MECOM: variants seen among roughly 807,000 people sequenced by gnomAD.
The protein encoded by MECOM is MDS1 and EVI1 complex locus.
MECOM carries 13 observed loss-of-function variants against 116.3 expected under a neutral mutation model. The observed-to-expected ratio is 0.11, with a 90% CI of 0.07 to 0.18. MECOM has a LOEUF of 0.18. MECOM is among the 10% of genes least tolerant of loss of function. The pLI, the probability that MECOM is intolerant of heterozygous loss-of-function variation, is 1.00. For synonymous variants in MECOM, 528 were observed against 535.2 expected, an observed-to-expected ratio of 0.99 and a Z score of 0.19; for missense variants, 1,299 against 1,509.0, an observed-to-expected ratio of 0.86 and a Z score of 2.31.
At chr3:169,596,717 A>C (rs1216989325) in intron 1 of MECOM, among the ~76,000 whole-genome samples, 8 of 152,192 alleles carry the variant, frequency 5.3e-5, no homozygotes, top group Non-Finnish European at 1.0e-4. Context: ...AACTAAAAAA[A>C]AAAGACTGTT....
At chr3:169,363,112 TTAATATTC>T (rs1728577792) in intron 2 of MECOM, among the ~76,000 whole-genome samples, 1 of 151,922 alleles carries the variant, frequency 6.6e-6, no homozygotes, top group Non-Finnish European at 1.5e-5. Context: ...AAACTTCATA[TTAATATTC>T]TCTAAGGTGG....
At chr3:169,369,927 T>C (rs1729810302) in intron 2 of MECOM, among the ~76,000 whole-genome samples, 1 of 151,992 alleles carries the variant, frequency 6.6e-6, no homozygotes, top group African/African-American at 2.4e-5. Flanking sequence ...TCAAAGACAA[T>C]CTTTTGGATA....
intron 1 of MECOM, among the ~76,000 whole-genome samples, chr3:169,630,337 G>A (rs1478919180): frequency 6.6e-6 from 1 of 151,788 alleles, no homozygotes; most frequent in African/African-American, 2.4e-5. Context: ...AAGTCACCTT[G>A]GTTTGACAAG....
At chr3:169,331,344 A>G (rs1003595805) in intron 2 of MECOM, among the ~76,000 whole-genome samples, 1 of 152,076 alleles carries the variant, frequency 6.6e-6, no homozygotes, top group Non-Finnish European at 1.5e-5. Context: ...TTTCTCACCT[A>G]AAGACTGGGA....
chr3:169,571,766 T>C (rs1040880524), intron 1 of MECOM, among the ~76,000 whole-genome samples: 1 of 152,178 alleles, frequency 6.6e-6, no homozygotes, highest in Non-Finnish European at 1.5e-5. Flanking sequence ...TAATAAATGG[T>C]GTTGGGAAAA....
rs189547914 is a variant in MECOM, at chr3:169,598,027, T to C, written c.37+65309A>G. 1.4e-3 allele frequency among the ~76,000 whole-genome samples: 212 copies of C among 152,298 alleles called. 1 individual carries two copies. Among genetic ancestry groups the C allele is most frequent in the African/African-American group, 4.6e-3 (192 of 41,582 alleles). ...GGAGAGTTGTCCAAGCTTTTGCCCC[T>C]ACAGGAAACCATAATAAATAAGAGA... On this transcript the variant is annotated intron_variant, in intron 1 of 16. Transcript: ENST00000651503.
chr3:169,475,638 A>C (rs747962187), intron 1 of MECOM, among the ~76,000 whole-genome samples: 10 of 152,144 alleles, frequency 6.6e-5, no homozygotes, highest in Non-Finnish European at 1.2e-4. Flanking sequence ...AGAAAGACGC[A>C]ATCATTCCTT....
intron 1 of MECOM, among the ~76,000 whole-genome samples, chr3:169,587,689 A>G (rs375613801): frequency 3.9e-5 from 6 of 152,188 alleles, no homozygotes; most frequent in African/African-American, 1.4e-4. Context: ...TGGTAAGGAC[A>G]AAAGATAGTT....
chr3:169,297,241 C>T (rs1715790862), intron 2 of MECOM, among the ~76,000 whole-genome samples: 1 of 152,164 alleles, frequency 6.6e-6, no homozygotes, highest in South Asian at 2.1e-4. Flanking sequence ...AGCCTTCCTC[C>T]TTTGGTTATA....
intron 2 of MECOM, among the ~76,000 whole-genome samples, chr3:169,260,273 G>C (rs1757384651): frequency 6.6e-6 from 1 of 152,078 alleles, no homozygotes; most frequent in Non-Finnish European, 1.5e-5. Context: ...AATATACCCA[G>C]TAACCAGAGT....
intron 1 of MECOM, among the ~76,000 whole-genome samples, chr3:169,507,373 G>A (rs1028651718): frequency 9.9e-5 from 15 of 152,166 alleles, no homozygotes; most frequent in African/African-American, 2.9e-4. Flanking sequence ...CACTGGTGAC[G>A]TCAGGCTGAT....
intron 2 of MECOM, among the ~76,000 whole-genome samples, chr3:169,171,843 C>G (rs59062934): frequency 0.07 from 10,697 of 152,032 alleles, 481 homozygotes; most frequent in South Asian, 0.19. Context: ...TTTGGCCTTA[C>G]TTTTCTCAAG....
intron 2 of MECOM, among the ~76,000 whole-genome samples, chr3:169,152,508 A>G (rs888013916): frequency 2.6e-5 from 4 of 152,156 alleles, no homozygotes; most frequent in Non-Finnish European, 4.4e-5. Context: ...TCGAGGATTC[A>G]GGCATGTTTA....
intron 1 of MECOM, among the ~76,000 whole-genome samples, chr3:169,594,170 A>AAAAAAAAACC (rs1553894632): frequency 4.2e-5 from 5 of 119,342 alleles, no homozygotes; most frequent in Admixed American, 1.7e-4. Context: ...AAAAAAAAAA[A>AAAAAAAAACC]AAAAAACACC....
chr3:169,517,107 T>A (rs755185944), intron 1 of MECOM, among the ~76,000 whole-genome samples: 1 of 152,052 alleles, frequency 6.6e-6, no homozygotes, highest in Non-Finnish European at 1.5e-5. Flanking sequence ...ATTCCATGGA[T>A]CATACAACAA....
At chr3:169,302,932 A>G (rs1282019496) in intron 2 of MECOM, among the ~76,000 whole-genome samples, 1 of 152,180 alleles carries the variant, frequency 6.6e-6, no homozygotes, top group Non-Finnish European at 1.5e-5. Context: ...ATTAACAACA[A>G]AGAAAAATTT....
At chr3:169,444,930 C>T (rs1744365699) in intron 1 of MECOM, among the ~76,000 whole-genome samples, 1 of 152,190 alleles carries the variant, frequency 6.6e-6, no homozygotes, top group African/African-American at 2.4e-5. Flanking sequence ...AGACTGGAGG[C>T]ATTTTGCCCC....
chr3:169,232,268 C>G (rs77366345), intron 2 of MECOM, among the ~76,000 whole-genome samples: 2,516 of 152,082 alleles, frequency 0.017, 37 homozygotes, highest in Non-Finnish European at 0.02. Context: ...TGAGGCCATT[C>G]TACAACAAAA....
chr3:169,584,769 T>G (rs979113381), intron 1 of MECOM, among the ~76,000 whole-genome samples: 8 of 152,168 alleles, frequency 5.3e-5, no homozygotes, highest in Non-Finnish European at 8.8e-5. Flanking sequence ...ATCCTTTCTC[T>G]GTAATCAATA....
Sources: gnomAD v4.1 joint callset for allele counts (sites outside exome capture counted in the v4.1 genomes callset) on GRCh38, gnomAD v4.1.1 for gene constraint, MANE v1.5 for transcripts, NCBI Gene and HGNC (gene_info 2026-07-23, HGNC 2026-07-21) for gene names.